Variants in RBFOX1 observed in about 807,000 individuals in gnomAD.
RBFOX1 encodes RNA binding fox-1 homolog 1.
Under a neutral mutation model 57.7 loss-of-function variants are expected in RBFOX1, and 8 were observed. The ratio of observed to expected loss-of-function variants is 0.14; its 90% CI spans 0.08 to 0.25. The LOEUF (loss-of-function observed/expected upper bound fraction) is 0.25. Ranked by LOEUF, RBFOX1 falls within the 10% of genes least tolerant of loss-of-function variation. RBFOX1 has a pLI of 1.00. For missense variants in RBFOX1, 611 were observed against 548.5 expected (o/e 1.11, Z -1.14); for synonymous variants, 326 against 222.4 (o/e 1.47, Z -4.15).
intron 4 of RBFOX1, among the ~76,000 whole-genome samples, chr16:7,152,103 C>G (rs1421708017): frequency 6.6e-6 from 1 of 152,160 alleles, no homozygotes. Context: ...CCTTCTCACA[C>G]ATGGGTTCCA....
At chr16:6,236,086 G>C (rs1004891987) in intron 1 of RBFOX1, among the ~76,000 whole-genome samples, 2 of 152,192 alleles carry the variant, frequency 1.3e-5, no homozygotes, top group African/African-American at 2.4e-5. Flanking sequence ...TGCTGGACTA[G>C]AGTTTCTCAT....
chr16:6,876,276 C>T (rs943361422), intron 3 of RBFOX1, among the ~76,000 whole-genome samples: 10 of 152,068 alleles, frequency 6.6e-5, no homozygotes, highest in African/African-American at 1.9e-4. Context: ...TGGGAATTGT[C>T]CTAGAATCAC....
intron 3 of RBFOX1, among the ~76,000 whole-genome samples, chr16:6,987,797 G>T (rs995432791): frequency 2.0e-5 from 3 of 152,156 alleles, no homozygotes; most frequent in African/African-American, 7.2e-5. Flanking sequence ...TTGTAAGGCT[G>T]TTGGGATGAC....
intron 7 of RBFOX1, 47 bp downstream of exon 7, chr16:7,587,347 G>A (rs375917267): frequency 5.0e-5 from 73 of 1,461,886 alleles, no homozygotes; most frequent in Admixed American, 1.4e-4. Context: ...ATTTTTAAAT[G>A]TTTGTTATGA....
intron 2 of RBFOX1, among the ~76,000 whole-genome samples, chr16:6,333,942 C>T (rs776807430): frequency 3.3e-5 from 5 of 152,054 alleles, no homozygotes; most frequent in South Asian, 2.1e-4. Context: ...TTTAGTACCC[C>T]GAGGGCCAAA....
chr16:7,592,985 T>C (rs890259218), intron 7 of RBFOX1, among the ~76,000 whole-genome samples: 3 of 151,598 alleles, frequency 2.0e-5, no homozygotes, highest in African/African-American at 7.3e-5. Flanking sequence ...CTGGCTTTTT[T>C]TTTTTTTTTG....
intron 1 of RBFOX1, among the ~76,000 whole-genome samples, chr16:6,279,614 GA>G (rs1219746446): frequency 6.6e-6 from 1 of 152,166 alleles, no homozygotes; most frequent in Non-Finnish European, 1.5e-5. Context: ...GGAACACTGA[GA>G]CTGTCCATAT....
intron 4 of RBFOX1, among the ~76,000 whole-genome samples, chr16:5,973,433 C>T (rs143046314): frequency 6.6e-6 from 1 of 152,188 alleles, no homozygotes; most frequent in African/African-American, 2.4e-5. Context: ...GTTCACACAC[C>T]TGTATGCACA....
chr16:6,649,056 T>A (rs1256474911), intron 2 of RBFOX1, among the ~76,000 whole-genome samples: 1 of 152,148 alleles, frequency 6.6e-6, no homozygotes, highest in African/African-American at 2.4e-5. Context: ...AACTTATTCC[T>A]CCTGTCTCAC....
intron 1 of RBFOX1, among the ~76,000 whole-genome samples, chr16:5,457,128 A>G (rs576218165): frequency 1.3e-4 from 20 of 152,062 alleles, no homozygotes; most frequent in Non-Finnish European, 4.4e-5. Context: ...GAGAGAGATC[A>G]TCTGTCCCTT....
chr16:7,531,335 G>A (rs1245530547), intron 5 of RBFOX1, among the ~76,000 whole-genome samples: 1 of 152,142 alleles, frequency 6.6e-6, no homozygotes, highest in Non-Finnish European at 1.5e-5. Context: ...ATGATCACTA[G>A]CATTTAGTGA....
intron 2 of RBFOX1, among the ~76,000 whole-genome samples, chr16:6,559,176 T>C (rs1245017402): frequency 6.6e-6 from 1 of 151,990 alleles, no homozygotes; most frequent in Non-Finnish European, 1.5e-5. Flanking sequence ...TGTGTACATA[T>C]ATATATACAC....
At chr16:5,902,992 C>A (rs1035940415) in intron 4 of RBFOX1, among the ~76,000 whole-genome samples, 5 of 152,092 alleles carry the variant, frequency 3.3e-5, no homozygotes, top group African/African-American at 1.2e-4. Flanking sequence ...ACTCCCCCAC[C>A]CTCAACAAAC....
At chr16:5,770,654 C>T (rs1251676564) in intron 3 of RBFOX1, among the ~76,000 whole-genome samples, 1 of 152,186 alleles carries the variant, frequency 6.6e-6, no homozygotes, top group African/African-American at 2.4e-5. Flanking sequence ...TTGGCTCACT[C>T]TTGAATTCTT....
chr16:7,222,201 C>T (rs12595913), intron 4 of RBFOX1, among the ~76,000 whole-genome samples: 19,741 of 152,134 alleles, frequency 0.13, 1,853 homozygotes, highest in African/African-American at 0.26. Flanking sequence ...CACCAGAGGG[C>T]AGGTGGTTCA....
intron 3 of RBFOX1, among the ~76,000 whole-genome samples, chr16:6,772,340 C>T (rs1200925777): frequency 1.3e-5 from 2 of 152,120 alleles, no homozygotes; most frequent in Non-Finnish European, 2.9e-5. Context: ...GTGAGCTATC[C>T]AAATAATTTA....
intron 1 of RBFOX1, among the ~76,000 whole-genome samples, chr16:6,082,779 G>C (rs1011154447): frequency 3.9e-5 from 6 of 152,090 alleles, no homozygotes; most frequent in Non-Finnish European, 8.8e-5. Flanking sequence ...AATACCCTGA[G>C]GATATCAGTT....
At chr16:6,688,931 T>A (rs1210377176) in intron 3 of RBFOX1, among the ~76,000 whole-genome samples, 3 of 152,068 alleles carry the variant, frequency 2.0e-5, no homozygotes, top group East Asian at 3.9e-4. Context: ...AATGATGGTT[T>A]CCAGCTTCGT....
chr16:6,938,916 A>G (rs1428382347), intron 3 of RBFOX1, among the ~76,000 whole-genome samples: 2 of 152,186 alleles, frequency 1.3e-5, no homozygotes, highest in African/African-American at 4.8e-5. Flanking sequence ...TGGGTGACAT[A>G]GTGAGAGTCC....
Sources: gnomAD v4.1 joint callset for allele counts (sites outside exome capture counted in the v4.1 genomes callset) on GRCh38, gnomAD v4.1.1 for gene constraint, MANE v1.5 for transcripts, NCBI Gene and HGNC (gene_info 2026-07-23, HGNC 2026-07-21) for gene names.